Variants in SCN2A observed in about 807,000 individuals in gnomAD.
The protein encoded by SCN2A is sodium voltage-gated channel alpha subunit 2, also known as sodium channel protein type 2 subunit alpha.
In SCN2A, 20 loss-of-function variants were observed where a neutral mutation model predicts 188.7. The observed-to-expected ratio is 0.11, with a 90% CI of 0.07 to 0.15. The LOEUF is 0.15. SCN2A is among the 10% of genes least tolerant of loss of function. SCN2A has a pLI of 1.00. For synonymous variants in SCN2A, 804 were observed against 833.1 expected (o/e 0.97, Z 0.60); for missense variants, 1,278 against 2,445.0 (o/e 0.52, Z 10.07).
At chr2:165,377,459 C>T in intron 22 of SCN2A, 138 bp from the exon 23 acceptor site, 1 of 683,322 alleles carries the variant, frequency 1.5e-6, no homozygotes, top group Non-Finnish European at 2.4e-6. Flanking sequence ...AACATTGCCC[C>T]AAAAGTGAAT....
intron 25 of SCN2A, among the ~76,000 whole-genome samples, chr2:165,385,644 A>T (rs1701831372): frequency 6.6e-6 from 1 of 152,204 alleles, no homozygotes; most frequent in Non-Finnish European, 1.5e-5. Context: ...TTGATATAAT[A>T]CCATTAAATA....
chr2:165,308,611 G>A, intron 4 of SCN2A, 55 bp from the exon 5 acceptor site: 1 of 1,581,856 alleles, frequency 6.3e-7, no homozygotes. Context: ...TTTAAGATAT[G>A]TACTTGTAAA....
intron 1 of SCN2A, among the ~76,000 whole-genome samples, chr2:165,291,491 T>TC (rs1559340285): frequency 1.5e-4 from 6 of 38,834 alleles, no homozygotes; most frequent in African/African-American, 5.5e-4. Context: ...TCTTTCTTTC[T>TC]TTTCTTTCTT....
intron 22 of SCN2A, among the ~76,000 whole-genome samples, chr2:165,375,982 T>C (rs1021247425): frequency 6.6e-6 from 1 of 151,854 alleles, no homozygotes; most frequent in African/African-American, 2.4e-5. Context: ...ATGTCACTTA[T>C]ATATGGAATC....
chr2:165,352,905 C>T (rs1699999774), intron 16 of SCN2A, among the ~76,000 whole-genome samples: 1 of 151,956 alleles, frequency 6.6e-6, no homozygotes, highest in Non-Finnish European at 1.5e-5. Flanking sequence ...GCATTTGCCC[C>T]CCTTTACTGC....
intron 13 of SCN2A, among the ~76,000 whole-genome samples, chr2:165,329,297 C>T (rs2105289513): frequency 6.6e-6 from 1 of 152,184 alleles, no homozygotes; most frequent in South Asian, 2.1e-4. Flanking sequence ...GTTTTCTGGT[C>T]ACACCTTTGT....
At chr2:165,364,997 A>T in intron 17 of SCN2A, 146 bp from the exon 18 acceptor site, 1 of 750,568 alleles carries the variant, frequency 1.3e-6, no homozygotes, top group Non-Finnish European at 2.2e-6. Context: ...GACCTTTACC[A>T]AAGCGGATTG....
chr2:165,377,766 CT>C (rs1701388277), intron 23 of SCN2A, 116 bp downstream of exon 23: 6 of 781,958 alleles, frequency 7.7e-6, no homozygotes, highest in African/African-American at 1.8e-5. Flanking sequence ...TAAAACCCAT[CT>C]ATATTATAAG....
chr2:165,253,337 T>A (rs2106072297), intron 1 of SCN2A, among the ~76,000 whole-genome samples: 1 of 152,248 alleles, frequency 6.6e-6, no homozygotes, highest in South Asian at 2.1e-4. Flanking sequence ...CAGTTCTGTT[T>A]CTGATGTGCA....
chr2:165,315,869 A>C (rs1181578546), intron 11 of SCN2A, 111 bp downstream of exon 11: 1 of 1,213,178 alleles, frequency 8.2e-7, no homozygotes, highest in East Asian at 2.4e-5. Flanking sequence ...ATGCTTTCAG[A>C]GTAGTGATGA....
chr2:165,307,251 A>G (rs796368775), intron 3 of SCN2A, among the ~76,000 whole-genome samples: 25 of 152,232 alleles, frequency 1.6e-4, no homozygotes, highest in African/African-American at 5.3e-4. Context: ...TCTTACTTTT[A>G]TAACCAAGTC....
rs1220470911 is a variant in SCN2A at position 165,291,436 on chromosome 2, CTCTTTCTTTCTTTCTTTCTT to C, written c.-51-4299_-51-4280del. Among the ~76,000 whole-genome samples the C allele has an allele frequency of 1.9e-3, 123 of 65,434 alleles. 3 individuals are homozygous for C. In the East Asian group the frequency reaches 0.037, roughly 20 times the overall value. 42.9% of individuals were successfully genotyped at this position (65,434 alleles called of 152,430 possible). On this transcript the variant is annotated intron_variant, in intron 1 of 26. Coordinates refer to ENST00000375437, the MANE Select transcript of SCN2A (RefSeq NM_001040142.2). ...CCTTCCTCCCTGTCTGTCTTTCTTTCTCTTTCTTTCTTTCTTTCTTTCTTTCTTTCTTTCTTTCTTTCTTT... is the reference window on the plus strand; with the variant it reads ...CCTTCCTCCCTGTCTGTCTTTCTTTCTCTTTCTTTCTTTCTTTCTTTCTTT...
chr2:165,272,011 T>C (rs776160411), intron 1 of SCN2A: 2 of 152,082 alleles, frequency 1.3e-5, no homozygotes, highest in Non-Finnish European at 2.9e-5. Context: ...TATAAAAAAG[T>C]TTACTATGAA....
intron 14 of SCN2A, among the ~76,000 whole-genome samples, chr2:165,333,694 G>A (rs1698823194): frequency 6.6e-6 from 1 of 151,504 alleles, no homozygotes; most frequent in African/African-American, 2.4e-5. Context: ...TAGTAAAATA[G>A]GAGATTTCCC....
rs57033371 is a variant in SCN2A at position 165,291,575 on chromosome 2, T to C, written c.-51-4198T>C. Among the ~76,000 whole-genome samples, 59 of 70,558 alleles carry C rather than the reference T, an allele frequency of 8.4e-4. 2 individuals carry two copies. The highest frequency in any genetic ancestry group is 1.7e-3 in the African/African-American group (37 of 21,550). The allele number at this position is 70,558 out of a possible 152,430, so 46.3% of individuals were successfully genotyped here. A position where few individuals can be genotyped will look rare whatever the true frequency, so the allele number is the denominator to read the frequency against. On this transcript the variant is annotated intron_variant, in intron 1 of 26. Coordinates refer to ENST00000375437, the MANE Select transcript of SCN2A (RefSeq NM_001040142.2). ...TTCCTTCCTTCCTTCCTTCCTTCCTTTCTCTCTCTCTCTCTCTCTCTCTCT... is the reference window on the plus strand; with the variant it reads ...TTCCTTCCTTCCTTCCTTCCTTCCTCTCTCTCTCTCTCTCTCTCTCTCTCT...
At chr2:165,358,072 T>C (rs1700269532) in intron 17 of SCN2A, among the ~76,000 whole-genome samples, 1 of 152,184 alleles carries the variant, frequency 6.6e-6, no homozygotes, top group Non-Finnish European at 1.5e-5. Context: ...TTTTCTTACA[T>C]AGATTTTAAT....
chr2:165,296,762 T>C (rs1696532421), intron 2 of SCN2A: 1 of 273,206 alleles, frequency 3.7e-6, no homozygotes, highest in Non-Finnish European at 6.9e-6. Context: ...ACATTAAAAC[T>C]TGATAAAGTT....
intron 3 of SCN2A, among the ~76,000 whole-genome samples, chr2:165,303,293 T>TTTTTTTTTA (rs1696930781): frequency 4.3e-5 from 4 of 92,928 alleles, no homozygotes; most frequent in Admixed American, 1.1e-4. Flanking sequence ...TTTTTTTTTT[T>TTTTTTTTTA]GAGACGGGTT....
At chr2:165,387,929 G>A (rs762089210) in intron 26 of SCN2A, among the ~76,000 whole-genome samples, 6 of 152,110 alleles carry the variant, frequency 3.9e-5, no homozygotes, top group Non-Finnish European at 5.9e-5. Flanking sequence ...TACCTTCTCA[G>A]TGACCTAAGA....
Sources: allele counts gnomAD v4.1 joint callset (sites outside exome capture counted in the v4.1 genomes callset), GRCh38; gene constraint gnomAD v4.1.1; transcripts MANE v1.5; gene names NCBI Gene and HGNC (gene_info 2026-07-23, HGNC 2026-07-21).